Variants in DAB1 observed in about 807,000 individuals in gnomAD.
The protein encoded by DAB1 is disabled homolog 1.
Under a neutral mutation model 64.6 loss-of-function variants are expected in DAB1, and 15 were observed. The observed-to-expected ratio is 0.23, with a 90% CI of 0.16 to 0.36. The LOEUF is 0.36. Ranked by LOEUF, DAB1 falls within the 10% of genes least tolerant of loss-of-function variation. The pLI, the probability that DAB1 is intolerant of heterozygous loss-of-function variation, is 1.00. For missense variants in DAB1, 596 were observed against 706.7 expected, an observed-to-expected ratio of 0.84 and a Z score of 1.78; for synonymous variants, 235 against 251.9, an observed-to-expected ratio of 0.93 and a Z score of 0.64.
intron 5 of DAB1, among the ~76,000 whole-genome samples, chr1:58,051,040 G>C (rs1027210256): frequency 6.6e-6 from 1 of 152,034 alleles, no homozygotes; most frequent in Non-Finnish European, 1.5e-5. Flanking sequence ...AATTTATAAA[G>C]AGAAGAAATT....
chr1:57,995,616 A>T (rs1349930415), intron 5 of DAB1, among the ~76,000 whole-genome samples: 1 of 152,214 alleles, frequency 6.6e-6, no homozygotes, highest in African/African-American at 2.4e-5. Flanking sequence ...TTAAAGTGAC[A>T]CAGAATACTT....
chr1:57,158,145 A>G (rs996057910), intron 2 of DAB1, among the ~76,000 whole-genome samples: 1 of 152,186 alleles, frequency 6.6e-6, no homozygotes, highest in Non-Finnish European at 1.5e-5. Flanking sequence ...TAGGAATAAT[A>G]TATGTTATGC....
chr1:57,304,252 G>A (rs1673941017), intron 1 of DAB1, among the ~76,000 whole-genome samples: 1 of 152,020 alleles, frequency 6.6e-6, no homozygotes, highest in Admixed American at 6.6e-5. Context: ...AATATCCTGA[G>A]AACTCACTCA....
Position 58,394,735 on chromosome 1 carries a change from G to C in DAB1, n.258-51332C>G, listed in dbSNP as rs940494213. Among the ~76,000 whole-genome samples the C allele has an allele frequency of 2.0e-5, 3 of 152,282 alleles. 1 individual carries two copies. In the East Asian group the frequency reaches 5.8e-4, roughly 29 times the overall value. On this transcript the variant is annotated intron_variant and non_coding_transcript_variant, in intron 3 of 20. Transcript: ENST00000485760. The stretch of plus-strand genomic sequence containing the variant: ...AAAATTGGATCAATGATTGCCCGGG[G>C]CTGGCAATGGTAGGAAATTGACTTC...
intron 7 of DAB1, among the ~76,000 whole-genome samples, chr1:57,564,039 G>A (rs1645086449): frequency 6.6e-6 from 1 of 152,194 alleles, no homozygotes; most frequent in African/African-American, 2.4e-5. Context: ...GGCACCCCCA[G>A]TAGGGGCAGA....
At position 58,199,387 on chromosome 1, in the gene DAB1, T is replaced by C. The variant is rs144378135; in HGVS notation, n.310-48799A>G. 1.1e-4 allele frequency among the ~76,000 whole-genome samples: 17 copies of C among 152,346 alleles called. No homozygotes were observed. In the East Asian group the frequency reaches 3.1e-3, roughly 28 times the overall value. Reference sequence around the variant, plus strand: ...TCATAAATTGGCAGGAATAACAATGTCTGACCTTTCTAATCTCATAAAATT... The same window carrying C: ...TCATAAATTGGCAGGAATAACAATGCCTGACCTTTCTAATCTCATAAAATT... On this transcript the variant is annotated intron_variant and non_coding_transcript_variant, in intron 4 of 20. Coordinates refer to the DAB1 transcript ENST00000485760.
intron 5 of DAB1, among the ~76,000 whole-genome samples, chr1:58,119,219 T>C: frequency 1.3e-5 from 1 of 78,376 alleles, no homozygotes; most frequent in East Asian, 2.9e-4. Context: ...ATATTGTGTG[T>C]GTGTGCGTGT....
At chr1:57,035,514 G>A (rs927144716) in intron 9 of DAB1, among the ~76,000 whole-genome samples, 2 of 152,162 alleles carry the variant, frequency 1.3e-5, no homozygotes, top group East Asian at 1.9e-4. Context: ...GTGATGAGGC[G>A]ATTTCTTTGA....
chr1:57,443,814 G>T (rs1328187626), intron 7 of DAB1, among the ~76,000 whole-genome samples: 1 of 152,156 alleles, frequency 6.6e-6, no homozygotes. Flanking sequence ...CCAAGCCATA[G>T]CCATCTCTTG....
intron 2 of DAB1, among the ~76,000 whole-genome samples, chr1:57,252,352 G>C (rs1669410555): frequency 6.6e-6 from 1 of 152,166 alleles, no homozygotes; most frequent in South Asian, 2.1e-4. Flanking sequence ...AAGAAGTCTA[G>C]ATGAGGTCAG....
At chr1:57,066,510 C>A (rs1344354662) in intron 8 of DAB1, among the ~76,000 whole-genome samples, 1 of 152,022 alleles carries the variant, frequency 6.6e-6, no homozygotes, top group Non-Finnish European at 1.5e-5. Flanking sequence ...ATTAGAAAAA[C>A]CTCGAAAAAA....
chr1:58,241,071 A>G (rs1660270410), intron 4 of DAB1, among the ~76,000 whole-genome samples: 1 of 152,184 alleles, frequency 6.6e-6, no homozygotes, highest in African/African-American at 2.4e-5. Context: ...GGAGCTACTC[A>G]TACATATAGG....
chr1:58,485,228 T>TAAAAAAAAAAAAA (rs71043289), intron 3 of DAB1, among the ~76,000 whole-genome samples: 11 of 42,046 alleles, frequency 2.6e-4, no homozygotes, highest in Non-Finnish European at 2.9e-4. Context: ...AGTCTACTAC[T>TAAAAAAAAAAAAA]AAAAAAAAAA....
intron 2 of DAB1, among the ~76,000 whole-genome samples, chr1:57,222,056 C>T: frequency 6.6e-6 from 1 of 152,146 alleles, no homozygotes; most frequent in East Asian, 1.9e-4. Context: ...AATATTTTCT[C>T]ATTAGATCTT....
intron 5 of DAB1, among the ~76,000 whole-genome samples, chr1:57,985,224 T>A (rs780296260): frequency 1.3e-5 from 2 of 152,208 alleles, no homozygotes; most frequent in African/African-American, 4.8e-5. Context: ...AGTATCTTAA[T>A]ACCTCTCTAA....
intron 7 of DAB1, among the ~76,000 whole-genome samples, chr1:57,495,088 G>A (rs1644213911): frequency 1.3e-5 from 2 of 152,144 alleles, no homozygotes; most frequent in Non-Finnish European, 2.9e-5. Flanking sequence ...CATAGGGATA[G>A]CATGGCAGGA....
chr1:57,807,091 T>C (rs1346454285), intron 6 of DAB1, among the ~76,000 whole-genome samples: 1 of 152,204 alleles, frequency 6.6e-6, no homozygotes, highest in East Asian at 1.9e-4. Context: ...ACTATAGCAC[T>C]AGCTCCTAAC....
chr1:57,374,667 A>C (rs1317158138), intron 1 of DAB1, among the ~76,000 whole-genome samples: 1 of 152,168 alleles, frequency 6.6e-6, no homozygotes. Flanking sequence ...TCTGCCCATG[A>C]ACAGGACAGC....
chr1:58,175,952 C>A (rs1209107927), intron 4 of DAB1, among the ~76,000 whole-genome samples: 1 of 152,172 alleles, frequency 6.6e-6, no homozygotes, highest in Non-Finnish European at 1.5e-5. Context: ...ACATAGAAAT[C>A]CAGGTTTCTG....
Sources: gnomAD v4.1 joint callset for allele counts (sites outside exome capture counted in the v4.1 genomes callset) on GRCh38, gnomAD v4.1.1 for gene constraint, MANE v1.5 for transcripts, NCBI Gene and HGNC (gene_info 2026-07-23, HGNC 2026-07-21) for gene names.